ATP2A2: variants seen among roughly 807,000 people sequenced by gnomAD.
ATP2A2 encodes the protein ATPase sarcoplasmic/endoplasmic reticulum Ca2+ transporting 2, also known as sarcoplasmic/endoplasmic reticulum calcium ATPase 2.
ATP2A2 carries 14 observed loss-of-function variants against 109.3 expected under a neutral mutation model. The observed-to-expected ratio is 0.13, with a 90% CI of 0.08 to 0.20. ATP2A2 has a LOEUF of 0.20. Among genes scored for constraint, ATP2A2 ranks in the 10% least tolerant of loss-of-function variants. ATP2A2 has a pLI of 1.00. For synonymous variants in ATP2A2, 506 were observed against 490.9 expected (o/e 1.03, Z -0.41); for missense variants, 657 against 1,321.6 (o/e 0.50, Z 7.80).
chr12:110,330,755 T>C (rs1328527230), intron 8 of ATP2A2: 1 of 152,232 alleles, frequency 6.6e-6, no homozygotes, highest in East Asian at 1.9e-4. Context: ...TGGTGCTAAT[T>C]GGTATTCTGC....
chr12:110,300,876 T>C (rs1426873891), intron 5 of ATP2A2, among the ~76,000 whole-genome samples: 1 of 152,128 alleles, frequency 6.6e-6, no homozygotes, highest in Non-Finnish European at 1.5e-5. Context: ...CTGGGTGTGA[T>C]GATGGTACTC....
At chr12:110,328,769 A>G (rs889561609) in intron 8 of ATP2A2, among the ~76,000 whole-genome samples, 1 of 151,968 alleles carries the variant, frequency 6.6e-6, no homozygotes, top group South Asian at 2.1e-4. Flanking sequence ...GGTTCTCACT[A>G]TGTCACCAGG....
At position 110,347,404 on chromosome 12, in the gene ATP2A2, G is replaced by GAACT; in HGVS notation, c.*935_*938dup. 1 of 1,289,108 alleles carries GAACT rather than the reference G, an allele frequency of 7.8e-7. No homozygotes were observed. The highest frequency in any genetic ancestry group is 1.2e-5 in the South Asian group (1 of 81,024). 79.9% of individuals were successfully genotyped at this position (1,289,108 alleles called of 1,614,324 possible). On this transcript the variant is annotated 3_prime_UTR_variant, in exon 20 of 20. Coordinates refer to ENST00000539276, the MANE Select transcript of ATP2A2 (RefSeq NM_170665.4). The stretch of plus-strand genomic sequence containing the variant: ...AACTTTCTCTCCAGTTCTTAGCTCA[G>GAACT]AACTTTAGTTGTACTCTGCTTGAGG...
Position 110,348,545 on chromosome 12 carries a change from AGGTG to A in ATP2A2, c.*2077_*2080del. ...CAGAGGGCCCACGTTCAAGGGATGG[AGGTG>A]GAACCTGGAGACCGACTCTTAAAAG... On this transcript the variant is annotated 3_prime_UTR_variant, in exon 20 of 20. Transcript: ENST00000539276. 1 of 985,452 alleles carries A rather than the reference AGGTG, an allele frequency of 1.0e-6. No homozygotes were observed. The highest frequency in any genetic ancestry group is 1.2e-6 in the Non-Finnish European group (1 of 830,020). 61.0% of individuals were successfully genotyped at this position (985,452 alleles called of 1,614,324 possible).
At chr12:110,337,448 A>T (rs1042062675) in intron 11 of ATP2A2, among the ~76,000 whole-genome samples, 1 of 152,202 alleles carries the variant, frequency 6.6e-6, no homozygotes. Flanking sequence ...CATTGGCGCA[A>T]ATGCTTAATT....
At position 110,327,435 on chromosome 12, in the gene ATP2A2, C is replaced by T. The variant is rs895862511; in HGVS notation, c.631-118C>T. The T allele has an allele frequency of 1.1e-6, 1 of 915,958 alleles. No homozygotes were observed. Among genetic ancestry groups the T allele is most frequent in the African/African-American group, 1.6e-5 (1 of 61,438 alleles). The allele number at this position is 915,958 out of a possible 1,614,324, so 56.7% of individuals were successfully genotyped here. On this transcript the variant is annotated intron_variant, in intron 7 of 19. Coordinates refer to ENST00000539276, the MANE Select transcript of ATP2A2 (RefSeq NM_170665.4). This position sits in a 1 kb window ranked among gnomAD's most constrained non-coding sequence, Gnocchi z 4.4. The stretch of plus-strand genomic sequence containing the variant: ...TATGGCTGGTTGCTTGAACAGTAGC[C>T]AGTGGAAGACCTAGTAGAATGTGTA...
chr12:110,318,740 C>CT (rs1876929728), intron 5 of ATP2A2, among the ~76,000 whole-genome samples: 1 of 152,220 alleles, frequency 6.6e-6, no homozygotes, highest in South Asian at 2.1e-4. Flanking sequence ...TCCCAAAGTT[C>CT]TGGGATTACA....
At chr12:110,315,916 G>T (rs568126449) in intron 5 of ATP2A2, among the ~76,000 whole-genome samples, 1 of 152,150 alleles carries the variant, frequency 6.6e-6, no homozygotes, top group African/African-American at 2.4e-5. Context: ...TCCAGCCTGG[G>T]TGACAGAGCA....
At chr12:110,314,337 A>AG (rs1393521463) in intron 5 of ATP2A2, among the ~76,000 whole-genome samples, 2 of 43,064 alleles carry the variant, frequency 4.6e-5, no homozygotes, top group African/African-American at 6.9e-4. Context: ...TCAAAAAAAG[A>AG]AAAAAAAAAA....
chr12:110,303,124 G>A (rs1477535373), intron 5 of ATP2A2, among the ~76,000 whole-genome samples: 1 of 152,158 alleles, frequency 6.6e-6, no homozygotes, highest in Non-Finnish European at 1.5e-5. Context: ...AGTTCTCTAT[G>A]AATGAAATTT....
chr12:110,308,259 G>T (rs1875598235), intron 5 of ATP2A2, among the ~76,000 whole-genome samples: 1 of 152,120 alleles, frequency 6.6e-6, no homozygotes, highest in Non-Finnish European at 1.5e-5. Context: ...CCAATACAAC[G>T]TTGAAGTACC....
At chr12:110,294,968 C>T (rs1488651837) in intron 4 of ATP2A2, among the ~76,000 whole-genome samples, 2 of 151,594 alleles carry the variant, frequency 1.3e-5, no homozygotes, top group Non-Finnish European at 2.9e-5. Flanking sequence ...TACAGGCGTG[C>T]ACCACCACGC....
intron 4 of ATP2A2, among the ~76,000 whole-genome samples, chr12:110,292,732 A>G (rs946383868): frequency 7.9e-5 from 12 of 152,172 alleles, no homozygotes; most frequent in African/African-American, 2.4e-4. Context: ...GACTGTAGTG[A>G]GCCATGATCG....
At chr12:110,316,831 G>T (rs988940844) in intron 5 of ATP2A2, among the ~76,000 whole-genome samples, 1 of 152,196 alleles carries the variant, frequency 6.6e-6, no homozygotes, top group Non-Finnish European at 1.5e-5. Context: ...GAAGAGCATA[G>T]TGTGTGATGC....
chr12:110,301,964 T>C (rs1299687987), intron 5 of ATP2A2, among the ~76,000 whole-genome samples: 1 of 152,112 alleles, frequency 6.6e-6, no homozygotes, highest in East Asian at 1.9e-4. Flanking sequence ...ATTATTACCC[T>C]GACCTATCTC....
At chr12:110,300,573 C>T (rs1874515026) in intron 5 of ATP2A2, among the ~76,000 whole-genome samples, 1 of 150,826 alleles carries the variant, frequency 6.6e-6, no homozygotes. Context: ...CCAGGATGAC[C>T]TCGTGATCCT....
chr12:110,342,295 G>C lies in ATP2A2; in HGVS notation c.2165G>C (p.Gly722Ala). 3 of 1,614,240 alleles carry C rather than the reference G, an allele frequency of 1.9e-6. No individual in the cohort carries two copies. Among genetic ancestry groups the C allele is most frequent in the Non-Finnish European group, 2.5e-6 (3 of 1,180,038 alleles). ...GAGATTGGCATTGCTATGGGCTCTGGCACTGCGGTGGCTAAAACCGCCTCT... is the reference window on the plus strand; with the variant it reads ...GAGATTGGCATTGCTATGGGCTCTGCCACTGCGGTGGCTAAAACCGCCTCT... ...KAEIGIAMGS[G>A]TAVAKTASEM... Residue 722 changes from glycine to alanine, a missense_variant, in exon 15 of 20, where the codon GGC becomes GCC. By Grantham distance (60) the Gly-to-Ala change is moderately conservative (BLOSUM62 0). This residue lies in a region of ATP2A2 where 50 missense variants were observed against 176.9 expected (regional missense o/e 0.28). Coordinates refer to ENST00000539276, the MANE Select transcript of ATP2A2 (RefSeq NM_170665.4). The surrounding 1 kb of genome is among the most constrained non-coding windows in gnomAD (Gnocchi z 4.6).
At chr12:110,298,084 A>G (rs1874159831) in intron 5 of ATP2A2, among the ~76,000 whole-genome samples, 1 of 152,182 alleles carries the variant, frequency 6.6e-6, no homozygotes, top group Admixed American at 6.6e-5. Flanking sequence ...TTTGTGAATT[A>G]TCTCATAGTA....
Position 110,307,222 on chromosome 12 carries a change from C to CTTT in ATP2A2, c.463+10500_463+10502dup, listed in dbSNP as rs113642254. On this transcript the variant is annotated intron_variant, in intron 5 of 19. Coordinates refer to ENST00000539276, the MANE Select transcript of ATP2A2 (RefSeq NM_170665.4). ...TAAGTGTTCCCCCCAGCCCCACCAC[C>CTTT]TTTTTTTTTTTTTTTTTCTTTTTTT... Among the ~76,000 whole-genome samples the CTTT allele has an allele frequency of 1.8e-3, 229 of 126,676 alleles. 5 individuals are homozygous for CTTT. The highest frequency in any genetic ancestry group is 5.1e-3 in the African/African-American group (171 of 33,288). 83.1% of individuals were successfully genotyped at this position (126,676 alleles called of 152,430 possible).
Sources: allele counts gnomAD v4.1 joint callset (sites outside exome capture counted in the v4.1 genomes callset), GRCh38; gene constraint gnomAD v4.1.1; regional missense constraint gnomAD v4.1.1; non-coding constraint Gnocchi (gnomAD v3.1); transcripts MANE v1.5; gene names NCBI Gene and HGNC (gene_info 2026-07-23, HGNC 2026-07-21).